Variants in VPS8 observed in about 807,000 individuals in gnomAD.
The protein encoded by VPS8 is vacuolar protein sorting-associated protein 8 homolog.
VPS8 carries 129 observed loss-of-function variants against 216.4 expected under a neutral mutation model. The observed-to-expected ratio is 0.60, with a 90% confidence interval of 0.52 to 0.69. VPS8 has a LOEUF of 0.69. VPS8 is among the 30% of genes least tolerant of loss of function. VPS8 has a pLI of 0.00. For synonymous variants in VPS8, 571 were observed against 565.4 expected (o/e 1.01, Z -0.14); for missense variants, 1,531 against 1,683.5 (o/e 0.91, Z 1.59).
intron 38 of VPS8, among the ~76,000 whole-genome samples, chr3:184,965,982 A>G (rs1747341912): frequency 6.6e-6 from 1 of 152,180 alleles, no homozygotes; most frequent in Non-Finnish European, 1.5e-5. Context: ...TTTACTCACA[A>G]CCCAGTATAT....
At chr3:185,008,304 G>T (rs558081351) in intron 45 of VPS8, among the ~76,000 whole-genome samples, 1 of 152,088 alleles carries the variant, frequency 6.6e-6, no homozygotes, top group East Asian at 1.9e-4. Flanking sequence ...AATATTTAAT[G>T]TTAAGGGATT....
intron 46 of VPS8, among the ~76,000 whole-genome samples, chr3:185,044,148 C>G (rs1206976361): frequency 6.6e-6 from 1 of 152,150 alleles, no homozygotes; most frequent in Non-Finnish European, 1.5e-5. Flanking sequence ...TGATATCGTG[C>G]CACTGCACTC....
At chr3:184,846,776 A>G (rs187594368) in intron 8 of VPS8, among the ~76,000 whole-genome samples, 92 of 152,376 alleles carry the variant, frequency 6.0e-4, no homozygotes, top group Non-Finnish European at 1.1e-3. Flanking sequence ...GAGTAGAGGT[A>G]TATATGGAAT....
chr3:184,957,758 G>A (rs1745855207), intron 37 of VPS8, among the ~76,000 whole-genome samples: 1 of 152,204 alleles, frequency 6.6e-6, no homozygotes, highest in African/African-American at 2.4e-5. Flanking sequence ...TCTTTCTCAA[G>A]GCAGTGGCTT....
intron 34 of VPS8, among the ~76,000 whole-genome samples, chr3:184,931,779 A>G (rs1371348591): frequency 6.6e-6 from 1 of 152,114 alleles, no homozygotes; most frequent in East Asian, 1.9e-4. Flanking sequence ...TTTGTGTTTT[A>G]TATTTTTTCC....
intron 34 of VPS8, among the ~76,000 whole-genome samples, chr3:184,933,366 A>C (rs1741025483): frequency 6.6e-6 from 1 of 152,108 alleles, no homozygotes. Flanking sequence ...TCTTTTGTGA[A>C]GTGCCTGCTG....
intron 36 of VPS8, among the ~76,000 whole-genome samples, chr3:184,952,701 G>C (rs1284791461): frequency 6.6e-6 from 1 of 152,180 alleles, no homozygotes; most frequent in African/African-American, 2.4e-5. Flanking sequence ...TCAAAATATG[G>C]CAGCATTAGC....
At chr3:184,853,140 T>G (rs776460765) in intron 11 of VPS8, among the ~76,000 whole-genome samples, 1 of 152,212 alleles carries the variant, frequency 6.6e-6, no homozygotes, top group Non-Finnish European at 1.5e-5. Flanking sequence ...AACATACTTC[T>G]TATTCAGTTA....
At chr3:184,902,546 T>C (rs960007398) in intron 25 of VPS8, among the ~76,000 whole-genome samples, 2 of 150,862 alleles carry the variant, frequency 1.3e-5, no homozygotes, top group Non-Finnish European at 3.0e-5. Flanking sequence ...TTAAGAAATC[T>C]TGGAGCCGGG....
In VPS8 at chr3:184,890,089, C is replaced by T. The variant is rs923163171; in HGVS notation, c.1781+3933C>T. ...GTCAGTTCCCTATGCTAAATTGTAG[C>T]GGAGGATTGTCAGATGTAAGTAGCT... On this transcript the variant is annotated intron_variant, in intron 22 of 47. Transcript: ENST00000625842. 3.9e-5 allele frequency among the ~76,000 whole-genome samples: 6 copies of T among 152,250 alleles called. No homozygotes were observed. In the South Asian group the frequency reaches 8.3e-4, roughly 21 times the overall value.
chr3:185,044,353 T>G (rs1346334542), intron 46 of VPS8, among the ~76,000 whole-genome samples: 2 of 152,140 alleles, frequency 1.3e-5, no homozygotes, highest in Non-Finnish European at 2.9e-5. Context: ...GACCTGAGTT[T>G]CTTCACCTGT....
At chr3:184,973,203 G>T (rs1008398118) in intron 40 of VPS8, among the ~76,000 whole-genome samples, 17 of 151,940 alleles carry the variant, frequency 1.1e-4, no homozygotes, top group African/African-American at 3.1e-4. Flanking sequence ...AGAAGAATGG[G>T]TTTTTTTAAA....
chr3:184,957,357 A>G lies in VPS8; in HGVS notation c.3036-17A>G, dbSNP rs1389863072. 1 of 1,585,490 alleles carries G rather than the reference A, an allele frequency of 6.3e-7. No homozygotes were observed. Among genetic ancestry groups the G allele is most frequent in the African/African-American group, 1.4e-5 (1 of 73,826 alleles). ...AATGCTACAATTGAGTGTTCTCTTT[A>G]TCTTTTATGTTTTTAGGGAAGGTAT... On this transcript the variant is annotated splice_polypyrimidine_tract_variant and intron_variant, in intron 36 of 47. Transcript: ENST00000625842.
chr3:184,996,525 C>T (rs1752634636), intron 44 of VPS8, 24 bp downstream of exon 44: 2 of 1,590,208 alleles, frequency 1.3e-6, no homozygotes, highest in African/African-American at 2.7e-5. Context: ...GGAAATGTTA[C>T]ATGTATGGTA....
At chr3:184,903,098 T>C (rs1734864443) in intron 25 of VPS8, among the ~76,000 whole-genome samples, 1 of 152,192 alleles carries the variant, frequency 6.6e-6, no homozygotes, top group South Asian at 2.1e-4. Context: ...AGTGACCATA[T>C]AACTGTGGAT....
At chr3:184,921,341 T>C (rs1274606742) in intron 29 of VPS8, among the ~76,000 whole-genome samples, 1 of 152,200 alleles carries the variant, frequency 6.6e-6, no homozygotes, top group Non-Finnish European at 1.5e-5. Context: ...TTTCCATCTT[T>C]CCATCCAAAA....
chr3:184,858,890 C>A (rs1233832236), intron 14 of VPS8, among the ~76,000 whole-genome samples: 1 of 152,102 alleles, frequency 6.6e-6, no homozygotes, highest in East Asian at 1.9e-4. Context: ...CAGGATCACA[C>A]TGATAAAACC....
intron 25 of VPS8, among the ~76,000 whole-genome samples, chr3:184,907,278 T>C (rs1735672024): frequency 6.6e-6 from 1 of 152,164 alleles, no homozygotes; most frequent in Non-Finnish European, 1.5e-5. Context: ...TCAGTGAATC[T>C]GCATTTTTAC....
rs370992590 is a variant in VPS8, at chr3:184,914,948, G to A, written c.2190-33G>A. On this transcript the variant is annotated intron_variant, in intron 26 of 47. Coordinates refer to ENST00000625842, the MANE Select transcript of VPS8 (RefSeq NM_001009921.3). ...CGCTTGAAAGTTATCCCCTTTACAA[G>A]TCACCATATCCATTCTCATTCTTTT... 3.8e-5 allele frequency: 61 copies of A among 1,600,134 alleles called. No individual in the cohort carries two copies. The Middle Eastern group carries it at 5.0e-4, about 13-fold the overall frequency.
Sources: gnomAD v4.1 joint callset for allele counts (sites outside exome capture counted in the v4.1 genomes callset) on GRCh38, gnomAD v4.1.1 for gene constraint, MANE v1.5 for transcripts, NCBI Gene and HGNC (gene_info 2026-07-23, HGNC 2026-07-21) for gene names.